Variants in EIF4EBP1 observed in about 807,000 individuals in gnomAD.
The protein encoded by EIF4EBP1 is eukaryotic translation initiation factor 4E-binding protein 1.
A neutral mutation model predicts 9.2 loss-of-function variants in EIF4EBP1; 5 were observed. The observed-to-expected ratio is 0.54, with a 90% CI of 0.28 to 1.14. The LOEUF (loss-of-function observed/expected upper bound fraction) is 1.14, where lower values mean the gene tolerates loss of function less well. Among genes scored for constraint, EIF4EBP1 ranks in the 50% most tolerant of loss-of-function variants. EIF4EBP1 has a pLI of 0.09. For synonymous variants in EIF4EBP1, 62 were observed against 67.0 expected, an observed-to-expected ratio of 0.93 and a Z score of 0.36; for missense variants, 139 against 169.6, an observed-to-expected ratio of 0.82 and a Z score of 1.00.
At position 38,038,914 on chromosome 8, in the gene EIF4EBP1, CTT is replaced by C. The variant is rs1225729715; in HGVS notation, c.145+8211_145+8212del. 4.3e-3 allele frequency among the ~76,000 whole-genome samples: 599 copies of C among 138,042 alleles called. 3 individuals carry two copies. The highest frequency in any genetic ancestry group is 0.012 in the African/African-American group (453 of 37,924). The allele number at this position is 138,042 out of a possible 152,430, so 90.6% of individuals were successfully genotyped here. A position where few individuals can be genotyped will look rare whatever the true frequency, so the allele number is the denominator to read the frequency against. On this transcript the variant is annotated intron_variant, in intron 1 of 2. Transcript: ENST00000338825. ...CCTTAAAACATTATGAAATTTCTTT[CTT>C]TTTTTTTTTTTTTTAAGCTCAGCTG... is the stretch of plus-strand genomic sequence containing the variant.
At chr8:38,046,692 T>A (rs183351833) in intron 1 of EIF4EBP1, among the ~76,000 whole-genome samples, 11 of 152,304 alleles carry the variant, frequency 7.2e-5, no homozygotes, top group African/African-American at 2.6e-4. Flanking sequence ...ACCATCATCA[T>A]CATCATCATT....
intron 2 of EIF4EBP1, among the ~76,000 whole-genome samples, chr8:38,058,305 A>G (rs1486125989): frequency 6.6e-6 from 1 of 152,178 alleles, no homozygotes; most frequent in African/African-American, 2.4e-5. Flanking sequence ...CTCCTGCTGC[A>G]TCATAACATG....
Position 38,057,131 on chromosome 8 carries a change from C to T in EIF4EBP1, c.196C>T (p.Pro66Ser). The T allele has an allele frequency of 6.2e-7, 1 of 1,614,210 alleles. No individual in the cohort carries two copies. ...RKFLMECRNS[P>S]VTKTPPRDLP... is the part of the protein sequence containing the mutation. ...ATTCCTGATGGAGTGTCGGAACTCACCTGTGACCAAAACACCCCCAAGGGA... is the reference window on the plus strand; with the variant it reads ...ATTCCTGATGGAGTGTCGGAACTCATCTGTGACCAAAACACCCCCAAGGGA... Residue 66 changes from proline to serine, a missense_variant, in exon 2 of 3, where the codon CCT becomes TCT. By Grantham distance (74) the Pro-to-Ser change is moderately conservative. Transcript: ENST00000338825.
intron 1 of EIF4EBP1, among the ~76,000 whole-genome samples, chr8:38,039,279 A>T (rs1175375681): frequency 6.6e-6 from 1 of 151,806 alleles, no homozygotes; most frequent in Non-Finnish European, 1.5e-5. Context: ...CCCACTATAG[A>T]GTCTATAGTG....
chr8:38,045,345 C>T (rs1044247798), intron 1 of EIF4EBP1, among the ~76,000 whole-genome samples: 8 of 152,116 alleles, frequency 5.3e-5, no homozygotes, highest in African/African-American at 1.4e-4. Flanking sequence ...ATGGCACGTG[C>T]CTGGTGCTTT....
chr8:38,036,692 G>T (rs968062471), intron 1 of EIF4EBP1, among the ~76,000 whole-genome samples: 4 of 149,216 alleles, frequency 2.7e-5, no homozygotes, highest in African/African-American at 1.0e-4. Context: ...TTTGAAACAG[G>T]GTCTCACTTT....
At chr8:38,048,486 C>T (rs1037318267) in intron 1 of EIF4EBP1, among the ~76,000 whole-genome samples, 1 of 152,056 alleles carries the variant, frequency 6.6e-6, no homozygotes, top group African/African-American at 2.4e-5. Context: ...TCTAAAATGC[C>T]TCACAGTAAG....
chr8:38,051,188 C>T (rs1487702409), intron 1 of EIF4EBP1, among the ~76,000 whole-genome samples: 1 of 152,174 alleles, frequency 6.6e-6, no homozygotes. Context: ...TGCCTAATTC[C>T]TGAACCTTCC....
intron 1 of EIF4EBP1, among the ~76,000 whole-genome samples, chr8:38,056,026 CTCTTT>C (rs1292009733): frequency 1.3e-5 from 2 of 152,018 alleles, no homozygotes; most frequent in East Asian, 3.9e-4. Context: ...AGGCATTTCT[CTCTTT>C]TTTTTTTGGA....
intron 1 of EIF4EBP1, among the ~76,000 whole-genome samples, chr8:38,051,296 G>A (rs28570677): frequency 2.0e-5 from 3 of 152,090 alleles, no homozygotes; most frequent in East Asian, 1.9e-4. Flanking sequence ...GACCGCTCCT[G>A]TACTTGCCTC....
At chr8:38,059,395 C>A (rs760035186) in intron 2 of EIF4EBP1, among the ~76,000 whole-genome samples, 1 of 152,146 alleles carries the variant, frequency 6.6e-6, no homozygotes, top group East Asian at 1.9e-4. Context: ...CTGAGGCCTC[C>A]CCAGAAGCCA....
In EIF4EBP1 at chr8:38,056,308, C is replaced by T. The variant is rs1207545640; in HGVS notation, c.146-773C>T. Among the ~76,000 whole-genome samples the T allele has an allele frequency of 5.3e-5, 8 of 152,290 alleles. No homozygotes were observed. The East Asian group carries it at 1.2e-3, about 22-fold the overall frequency. The stretch of plus-strand genomic sequence containing the variant: ...CACCTGGCAAAAGTTCTTATTTTTA[C>T]TACTCTGGTTGAATCACAAGTATTT... On this transcript the variant is annotated intron_variant, in intron 1 of 2. Transcript: ENST00000338825.
At chr8:38,053,289 A>AT (rs1192736465) in intron 1 of EIF4EBP1, among the ~76,000 whole-genome samples, 2 of 151,912 alleles carry the variant, frequency 1.3e-5, no homozygotes, top group African/African-American at 4.8e-5. Flanking sequence ...AAGTGCTAGG[A>AT]TTACAAGCAT....
intron 1 of EIF4EBP1, among the ~76,000 whole-genome samples, chr8:38,035,959 A>G (rs369767787): frequency 1.2e-4 from 18 of 151,476 alleles, no homozygotes; most frequent in Admixed American, 4.0e-4. Flanking sequence ...CGCCCGCCTC[A>G]GCCTCCCAAA....
At chr8:38,037,778 T>C (rs1809324376) in intron 1 of EIF4EBP1, among the ~76,000 whole-genome samples, 1 of 151,678 alleles carries the variant, frequency 6.6e-6, no homozygotes, top group Non-Finnish European at 1.5e-5. Context: ...GTCTGTTTTT[T>C]GTTTGTTTGT....
chr8:38,036,813 T>G (rs1809309260), intron 1 of EIF4EBP1, among the ~76,000 whole-genome samples: 1 of 152,022 alleles, frequency 6.6e-6, no homozygotes. Context: ...CACAACCGGC[T>G]AATTTTTGTA....
chr8:38,057,984 C>T (rs1306403737), intron 2 of EIF4EBP1, among the ~76,000 whole-genome samples: 2 of 152,094 alleles, frequency 1.3e-5, no homozygotes, highest in African/African-American at 2.4e-5. Flanking sequence ...TGGAACCCGC[C>T]GACCCTTCAC....
chr8:38,039,459 G>A (rs1466582421), intron 1 of EIF4EBP1, among the ~76,000 whole-genome samples: 1 of 142,594 alleles, frequency 7.0e-6, no homozygotes, highest in Admixed American at 7.4e-5. Context: ...AGGCTGGAGT[G>A]CAGTGGTGCA....
chr8:38,044,178 T>G (rs1340984866), intron 1 of EIF4EBP1, among the ~76,000 whole-genome samples: 3 of 148,180 alleles, frequency 2.0e-5, no homozygotes, highest in African/African-American at 7.4e-5. Context: ...AATTCCATCC[T>G]CGTACTCTCA....
Sources: gnomAD v4.1 joint callset for allele counts (sites outside exome capture counted in the v4.1 genomes callset) on GRCh38, gnomAD v4.1.1 for gene constraint, MANE v1.5 for transcripts, NCBI Gene and HGNC (gene_info 2026-07-23, HGNC 2026-07-21) for gene names.